RIPOR3: variants seen among roughly 807,000 people sequenced by gnomAD.
The protein encoded by RIPOR3 is family with sequence similarity 65 member C.
RIPOR3 carries 95 observed loss-of-function variants against 114.3 expected under a neutral mutation model. That is an observed-to-expected ratio of 0.83 (90% CI 0.70 to 0.99). The LOEUF (loss-of-function observed/expected upper bound fraction) is 0.99, where lower values mean the gene tolerates loss of function less well. Ranked by LOEUF, RIPOR3 falls within the 50% of genes least tolerant of loss-of-function variation. The pLI is 0.00. For missense variants in RIPOR3, 1,252 were observed against 1,266.9 expected, an observed-to-expected ratio of 0.99 and a Z score of 0.18; for synonymous variants, 575 against 543.8, an observed-to-expected ratio of 1.06 and a Z score of -0.80.
intron 2 of RIPOR3, among the ~76,000 whole-genome samples, chr20:50,628,756 C>T (rs1272786411): frequency 1.3e-5 from 2 of 152,190 alleles, no homozygotes; most frequent in African/African-American, 2.4e-5. Context: ...GTAGGTGCTC[C>T]GTGAATATCT....
rs919794322 is a variant in RIPOR3 at position 50,608,633 on chromosome 20, G to A, written c.790C>T (p.His264Tyr). 6.2e-7 allele frequency: 1 copy of A among 1,614,022 alleles called. No individual in the cohort carries two copies. Among genetic ancestry groups the A allele is most frequent in the Admixed American group, 1.7e-5 (1 of 60,020 alleles). Reference sequence around the variant, plus strand: ...CCCACCTTGATGTCCAGGTTCTCATGCAGCGTGGGGATGAAGGCCTTCTCC... The same window carrying A: ...CCCACCTTGATGTCCAGGTTCTCATACAGCGTGGGGATGAAGGCCTTCTCC... Reference protein sequence around the residue: ...EEEKAFIPTLHENLDIKVTEL... With the variant: ...EEEKAFIPTLYENLDIKVTEL... Residue 264 changes from histidine (H) to tyrosine (Y), a missense_variant, in exon 10 of 22, where the codon CAT becomes TAT. Transcript: ENST00000327979.
Position 50,597,757 on chromosome 20 carries a change from A to G in RIPOR3, c.1660-47T>C, listed in dbSNP as rs765569485. ...CTGAGGGCAACACCGGGCCCCACCC[A>G]CCCGACTGGGACACTGGCCAGGGGC... On this transcript the variant is annotated intron_variant, in intron 13 of 21. Coordinates refer to ENST00000327979, the MANE Select transcript of RIPOR3 (RefSeq NM_001290268.2). The G allele has an allele frequency of 2.6e-5, 42 of 1,595,598 alleles. No homozygotes were observed. In the East Asian group the frequency reaches 9.1e-4, roughly 35 times the overall value.
chr20:50,600,587 C>T (rs561574953), intron 13 of RIPOR3, among the ~76,000 whole-genome samples: 2 of 151,850 alleles, frequency 1.3e-5, no homozygotes, highest in African/African-American at 2.4e-5. Context: ...AGTGAGAACT[C>T]GTCTCTATAA....
intron 1 of RIPOR3, among the ~76,000 whole-genome samples, chr20:50,678,009 C>T (rs541029070): frequency 3.2e-4 from 49 of 152,220 alleles, no homozygotes; most frequent in Non-Finnish European, 4.6e-4. Context: ...GATGAGGACA[C>T]GGAGCCACAG....
At chr20:50,592,961 TAAC>T in intron 18 of RIPOR3, 71 bp downstream of exon 18, 2 of 1,556,442 alleles carry the variant, frequency 1.3e-6, no homozygotes, top group Non-Finnish European at 8.7e-7. Flanking sequence ...TTCTGAATTA[TAAC>T]CTGAGAAACT....
intron 19 of RIPOR3, chr20:50,589,970 A>G: frequency 1.9e-6 from 1 of 514,184 alleles, no homozygotes. Flanking sequence ...ATTTATCCCT[A>G]AAAACAGATG....
intron 2 of RIPOR3, among the ~76,000 whole-genome samples, chr20:50,624,825 G>C (rs2084557897): frequency 6.6e-6 from 1 of 152,228 alleles, no homozygotes; most frequent in Admixed American, 6.5e-5. Context: ...CAGAGGCCTT[G>C]GTACTCGGCT....
intron 2 of RIPOR3, 62 bp from the exon 3 acceptor site, chr20:50,620,194 G>C (rs1402913738): frequency 3.2e-6 from 5 of 1,582,372 alleles, no homozygotes; most frequent in Non-Finnish European, 4.3e-6. Context: ...CCCTCCCCAG[G>C]GGCAGGCACT....
intron 16 of RIPOR3, chr20:50,595,035 A>G (rs1441874335): frequency 2.1e-6 from 1 of 481,934 alleles, no homozygotes; most frequent in South Asian, 2.9e-5. Flanking sequence ...CTACTGTTTG[A>G]CGGCACATTC....
chr20:50,606,040 C>T (rs1276772223), intron 11 of RIPOR3, among the ~76,000 whole-genome samples: 1 of 152,164 alleles, frequency 6.6e-6, no homozygotes, highest in Non-Finnish European at 1.5e-5. Context: ...CCCATCTCTC[C>T]TAAAAACATA....
In RIPOR3 at chr20:50,604,647, G is replaced by T. The variant is rs779342241; in HGVS notation, c.1084C>A (p.Leu362Met). The change falls in exon 12 of 22, where the codon CTG becomes ATG. Residue 362 changes from leucine (L) to methionine (M), a missense_variant and splice_region_variant. Transcript: ENST00000327979. ...STPSFRERYYLSVLQQPTQQA... is the reference protein window; with the variant it reads ...STPSFRERYYMSVLQQPTQQA... Reference sequence around the variant, plus strand: ...CTGCCCCGGGAAGGCTCACTCACCAGGTAGTATCTCTCCCGGAAGCTGGGG... The same window carrying T: ...CTGCCCCGGGAAGGCTCACTCACCATGTAGTATCTCTCCCGGAAGCTGGGG... 6.2e-7 allele frequency: 1 copy of T among 1,607,212 alleles called. No homozygotes were observed.
intron 1 of RIPOR3, among the ~76,000 whole-genome samples, chr20:50,690,393 C>T (rs908779506): frequency 6.6e-6 from 1 of 152,204 alleles, no homozygotes; most frequent in East Asian, 1.9e-4. Flanking sequence ...TCGTTCAAGC[C>T]TGGAGCCCCT....
intron 19 of RIPOR3, 72 bp downstream of exon 19, chr20:50,592,272 C>T (rs1211216893): frequency 6.9e-7 from 1 of 1,443,212 alleles, no homozygotes; most frequent in Non-Finnish European, 9.2e-7. Flanking sequence ...TTGTACTTTT[C>T]CATGAGAACA....
At chr20:50,666,197 C>CTTTTCTTTTCT in intron 1 of RIPOR3, among the ~76,000 whole-genome samples, 1 of 93,458 alleles carries the variant, frequency 1.1e-5, no homozygotes, top group South Asian at 3.6e-4. Flanking sequence ...CTTTTCTTTT[C>CTTTTCTTTTCT]TTTTCTTTTC....
chr20:50,633,288 A>G (rs894651501), intron 1 of RIPOR3, among the ~76,000 whole-genome samples: 1 of 152,154 alleles, frequency 6.6e-6, no homozygotes, highest in Non-Finnish European at 1.5e-5. Flanking sequence ...AAAAACAAAA[A>G]ATAGTCAATT....
intron 1 of RIPOR3, among the ~76,000 whole-genome samples, chr20:50,642,345 G>GGTGT (rs71190581): frequency 1.7e-3 from 160 of 96,426 alleles, no homozygotes; most frequent in South Asian, 0.01. Context: ...GTTCTCTGTG[G>GGTGT]GTGTGTGTGT....
chr20:50,611,898 C>T (rs2123088313), intron 4 of RIPOR3, among the ~76,000 whole-genome samples: 1 of 152,064 alleles, frequency 6.6e-6, no homozygotes, highest in South Asian at 2.1e-4. Flanking sequence ...CTGAGGTGGT[C>T]AGATCACTTG....
intron 1 of RIPOR3, among the ~76,000 whole-genome samples, chr20:50,642,798 C>G (rs571817389): frequency 4.6e-5 from 7 of 152,170 alleles, no homozygotes; most frequent in African/African-American, 1.7e-4. Flanking sequence ...CCTGTAACCC[C>G]AGCACTTTGG....
At chr20:50,658,862 C>T (rs1272829170) in intron 1 of RIPOR3, among the ~76,000 whole-genome samples, 3 of 152,088 alleles carry the variant, frequency 2.0e-5, no homozygotes, top group Admixed American at 2.0e-4. Context: ...GGTTTAGATG[C>T]CAGGTCTTAC....
Sources: allele counts gnomAD v4.1 joint callset (sites outside exome capture counted in the v4.1 genomes callset), GRCh38; gene constraint gnomAD v4.1.1; transcripts MANE v1.5; gene names NCBI Gene and HGNC (gene_info 2026-07-23, HGNC 2026-07-21).